FAM234B: variants seen among roughly 807,000 people sequenced by gnomAD.
FAM234B encodes family with sequence similarity 234 member B, also known as protein FAM234B.
Under a neutral mutation model 69.3 loss-of-function variants are expected in FAM234B, and 33 were observed. The observed-to-expected ratio is 0.48, with a 90% CI of 0.36 to 0.64. The LOEUF (loss-of-function observed/expected upper bound fraction) is 0.64, where lower values mean the gene tolerates loss of function less well. Ranked by LOEUF, FAM234B falls within the 30% of genes least tolerant of loss-of-function variation. The pLI is 0.00. For missense variants in FAM234B, 697 were observed against 769.7 expected (o/e 0.91, Z 1.12); for synonymous variants, 306 against 306.9 (o/e 1.00, Z 0.03).
At chr12:13,072,938 A>C (rs1348753526) in intron 10 of FAM234B, among the ~76,000 whole-genome samples, 3 of 152,148 alleles carry the variant, frequency 2.0e-5, no homozygotes, top group African/African-American at 7.2e-5. Context: ...GAAACTAAAG[A>C]AAGTCACAAG....
chr12:13,077,233 A>G (rs931434604), intron 11 of FAM234B, among the ~76,000 whole-genome samples: 6 of 152,096 alleles, frequency 3.9e-5, no homozygotes, highest in Non-Finnish European at 7.4e-5. Context: ...CACCATTTTT[A>G]TTACAACTTG....
intron 2 of FAM234B, among the ~76,000 whole-genome samples, chr12:13,056,166 G>A (rs1864929012): frequency 6.6e-6 from 1 of 152,154 alleles, no homozygotes. Flanking sequence ...GTTGGCATTG[G>A]TCTTTATTAG....
Position 13,044,440 on chromosome 12 carries a change from G to T in FAM234B, c.37G>T (p.Gly13Trp). 2 of 1,551,360 alleles carry T rather than the reference G, an allele frequency of 1.3e-6. No individual in the cohort carries two copies. The highest frequency in any genetic ancestry group is 1.7e-6 in the Non-Finnish European group (2 of 1,146,998). The change falls in exon 1 of 13, where the codon GGG (glycine) becomes TGG (tryptophan). Residue 13 changes from glycine (G) to tryptophan (W), a missense_variant and splice_region_variant. By Grantham distance (184) the Gly-to-Trp change is radical. This residue lies in a region of FAM234B where 380 missense variants were observed against 447.1 expected (regional missense o/e 0.85). Transcript: ENST00000197268. This position sits in a 1 kb window ranked among gnomAD's most constrained non-coding sequence, Gnocchi z 5.6. ...TVLSRALKLP[G>W]KKSPDLGEYD... is the part of the protein sequence containing the mutation. The stretch of plus-strand genomic sequence containing the variant: ...GCTGTCCAGGGCGCTCAAGCTGCCG[G>T]GTAAGGAGTCGCATGCTTGCGACCA...
At chr12:13,059,948 AC>A (rs1259669430) in intron 3 of FAM234B, among the ~76,000 whole-genome samples, 5 of 152,214 alleles carry the variant, frequency 3.3e-5, no homozygotes, top group African/African-American at 1.2e-4. Context: ...CACAATATGG[AC>A]CAGGCTGATT....
rs573806483 is a variant in FAM234B, at chr12:13,078,095, C to T, written c.1643-1694C>T. ...TTGAGAAGTGTCTGTTCATGTCCTT[C>T]GCCCACTTGTTGATGGGGTTGTTTG... On this transcript the variant is annotated intron_variant, in intron 11 of 12. Coordinates refer to ENST00000197268, the MANE Select transcript of FAM234B (RefSeq NM_020853.2). 2.5e-3 allele frequency among the ~76,000 whole-genome samples: 379 copies of T among 151,376 alleles called. 3 individuals carry two copies. Among genetic ancestry groups the T allele is most frequent in the Admixed American group, 0.017 (263 of 15,128 alleles).
At chr12:13,053,342 A>G (rs1864894437) in intron 1 of FAM234B, among the ~76,000 whole-genome samples, 1 of 152,172 alleles carries the variant, frequency 6.6e-6, no homozygotes, top group Admixed American at 6.5e-5. Flanking sequence ...TTTAAACATC[A>G]AAGGTTTTAC....
chr12:13,064,766 C>T (rs1865019681), intron 5 of FAM234B, among the ~76,000 whole-genome samples: 3 of 152,260 alleles, frequency 2.0e-5, no homozygotes, highest in Middle Eastern at 6.8e-3. Flanking sequence ...GACCTCTCTG[C>T]CAGCAACAAG....
intron 11 of FAM234B, among the ~76,000 whole-genome samples, chr12:13,077,838 A>C (rs1297004679): frequency 6.6e-6 from 1 of 152,156 alleles, no homozygotes; most frequent in African/African-American, 2.4e-5. Context: ...ATCCCTGAGG[A>C]ATCGCCACAC....
At chr12:13,066,069 ATTTAT>A (rs1865032866) in intron 5 of FAM234B, among the ~76,000 whole-genome samples, 1 of 152,216 alleles carries the variant, frequency 6.6e-6, no homozygotes, top group South Asian at 2.1e-4. Flanking sequence ...TTTATGTGTT[ATTTAT>A]GACTGCTTTC....
chr12:13,074,030 C>T (rs1865136083), intron 10 of FAM234B, among the ~76,000 whole-genome samples: 2 of 152,214 alleles, frequency 1.3e-5, no homozygotes, highest in Admixed American at 1.3e-4. Flanking sequence ...GATGCATGTT[C>T]TTGCTTCACC....
intron 2 of FAM234B, 80 bp downstream of exon 2, chr12:13,056,026 T>C: frequency 7.3e-7 from 1 of 1,372,908 alleles, no homozygotes; most frequent in Non-Finnish European, 9.6e-7. Flanking sequence ...CTCCAAATCT[T>C]AAAACTTAAT....
At chr12:13,047,507 G>A (rs896982325) in intron 1 of FAM234B, among the ~76,000 whole-genome samples, 5 of 152,132 alleles carry the variant, frequency 3.3e-5, no homozygotes, top group Non-Finnish European at 7.4e-5. Context: ...AATAGTGTAT[G>A]TTTTAGTATA....
intron 2 of FAM234B, among the ~76,000 whole-genome samples, chr12:13,057,764 C>A (rs1051002968): frequency 6.6e-6 from 1 of 152,160 alleles, no homozygotes; most frequent in South Asian, 2.1e-4. Context: ...GCTGACACCA[C>A]CCCCGTGGAG....
chr12:13,052,476 A>G (rs987351092), intron 1 of FAM234B, among the ~76,000 whole-genome samples: 3 of 152,164 alleles, frequency 2.0e-5, no homozygotes. Context: ...CATACACCAT[A>G]AAATTTACCA....
intron 6 of FAM234B, 167 bp from the exon 7 acceptor site, chr12:13,066,988 C>A: frequency 1.1e-6 from 1 of 939,512 alleles, no homozygotes; most frequent in Non-Finnish European, 1.6e-6. Context: ...AGGGAAGACT[C>A]TTGTCCAGCA....
chr12:13,063,501 A>G (rs963644090), intron 5 of FAM234B, among the ~76,000 whole-genome samples: 1 of 152,244 alleles, frequency 6.6e-6, no homozygotes, highest in Non-Finnish European at 1.5e-5. Context: ...ATAGGAAAAA[A>G]TCTAAGTCAA....
intron 5 of FAM234B, among the ~76,000 whole-genome samples, chr12:13,065,081 T>A (rs1374945780): frequency 1.3e-5 from 2 of 152,210 alleles, no homozygotes; most frequent in African/African-American, 4.8e-5. Flanking sequence ...TAACACTAAT[T>A]TGTGAGGCGA....
intron 1 of FAM234B, among the ~76,000 whole-genome samples, chr12:13,046,944 A>T (rs1552389): frequency 0.24 from 36,116 of 152,218 alleles, 5,207 homozygotes; most frequent in East Asian, 0.53. Context: ...ACATTCTACT[A>T]CATATTTACC....
At chr12:13,070,743 C>T (rs899531043) in intron 9 of FAM234B, among the ~76,000 whole-genome samples, 1 of 152,100 alleles carries the variant, frequency 6.6e-6, no homozygotes, top group Admixed American at 6.5e-5. Context: ...CCATATGCCA[C>T]GACACCAAGA....
Sources: gnomAD v4.1 joint callset for allele counts (sites outside exome capture counted in the v4.1 genomes callset) on GRCh38, gnomAD v4.1.1 for gene constraint, gnomAD v4.1.1 regional missense constraint, Gnocchi (gnomAD v3.1) non-coding constraint, MANE v1.5 for transcripts, NCBI Gene and HGNC (gene_info 2026-07-23, HGNC 2026-07-21) for gene names.